The following MYCBPAP variants were observed in gnomAD, a reference collection of about 807,000 sequenced individuals.
MYCBPAP encodes MYCBP associated protein.
Under a neutral mutation model 106.1 loss-of-function variants are expected in MYCBPAP, and 60 were observed. The ratio of observed to expected loss-of-function variants is 0.57; its 90% CI spans 0.46 to 0.70. MYCBPAP has a LOEUF of 0.70. Ranked by LOEUF, MYCBPAP falls within the 30% of genes least tolerant of loss-of-function variation. The probability of loss-of-function intolerance (pLI) is 0.00; values close to 1 mark genes in which losing one functional copy is unlikely to be tolerated. For missense variants in MYCBPAP, 1,064 were observed against 1,169.3 expected, an observed-to-expected ratio of 0.91 and a Z score of 1.31; for synonymous variants, 407 against 440.6, an observed-to-expected ratio of 0.92 and a Z score of 0.95.
Position 50,528,767 on chromosome 17 carries a change from C to T in MYCBPAP, c.2480C>T (p.Ala827Val), listed in dbSNP as rs2034539097. The T allele has an allele frequency of 6.2e-7, 1 of 1,614,040 alleles. No homozygotes were observed. Residue 827 changes from alanine to valine, a missense_variant, in exon 17 of 19, where the codon GCA becomes GTA. Coordinates refer to ENST00000323776, the MANE Select transcript of MYCBPAP (RefSeq NM_032133.6). Reference sequence around the variant, plus strand: ...GCTGGGAAGGAGGAGCGGAAAGGAGCAGCCCAGGAAAAGAAGCAACTGGGG... The same window carrying T: ...GCTGGGAAGGAGGAGCGGAAAGGAGTAGCCCAGGAAAAGAAGCAACTGGGG... ...GKAGKEERKG[A>V]AQEKKQLGIK...
intron 6 of MYCBPAP, 30 bp from the exon 7 acceptor site, chr17:50,519,610 T>A (rs1350525639): frequency 6.2e-7 from 1 of 1,613,062 alleles, no homozygotes; most frequent in East Asian, 2.2e-5. Context: ...GGTGTCCTGG[T>A]AATCTGACTC....
intron 1 of MYCBPAP, chr17:50,510,499 G>GTATGTGTGTA (rs1555618059): frequency 5.2e-5 from 4 of 76,414 alleles, no homozygotes; most frequent in African/African-American, 1.8e-4. Flanking sequence ...GTGTGTGTGT[G>GTATGTGTGTA]TATATATATA....
intron 16 of MYCBPAP, 119 bp from the exon 17 acceptor site, chr17:50,528,576 C>T: frequency 7.4e-7 from 1 of 1,349,652 alleles, no homozygotes; most frequent in Non-Finnish European, 1.0e-6. Context: ...CACGCGCCTA[C>T]CAGGGCTCAA....
intron 1 of MYCBPAP, among the ~76,000 whole-genome samples, chr17:50,510,849 G>A (rs998261355): frequency 2.6e-5 from 4 of 151,860 alleles, no homozygotes; most frequent in African/African-American, 9.7e-5. Context: ...AGTTGAGAGA[G>A]AGGGAATATC....
intron 1 of MYCBPAP, chr17:50,514,850 A>G: frequency 2.3e-6 from 1 of 441,744 alleles, no homozygotes; most frequent in Non-Finnish European, 4.6e-6. Flanking sequence ...TATAGAGCCC[A>G]GACTGGTCTT....
chr17:50,508,667 G>T lies in MYCBPAP; in HGVS notation c.-8G>T. On this transcript the variant is annotated 5_prime_UTR_variant, in exon 1 of 19. Coordinates refer to ENST00000323776, the MANE Select transcript of MYCBPAP (RefSeq NM_032133.6). Reference sequence around the variant, plus strand: ...GCAGGGCAACGTTTCATGGTGCCGGGCGGCACCATGAAGTCTCTAAAGAAG... The same window carrying T: ...GCAGGGCAACGTTTCATGGTGCCGGTCGGCACCATGAAGTCTCTAAAGAAG... The T allele has an allele frequency of 6.2e-7, 1 of 1,601,668 alleles. No individual in the cohort carries two copies. Among genetic ancestry groups the T allele is most frequent in the East Asian group, 2.2e-5 (1 of 44,496 alleles).
intron 1 of MYCBPAP, among the ~76,000 whole-genome samples, chr17:50,514,377 T>A (rs539767077): frequency 6.6e-6 from 1 of 152,352 alleles, no homozygotes; most frequent in Admixed American, 6.5e-5. Flanking sequence ...AATTTTGTTT[T>A]AAACTCCCTA....
intron 4 of MYCBPAP, 65 bp downstream of exon 4, chr17:50,517,763 C>T: frequency 7.5e-7 from 1 of 1,336,000 alleles, no homozygotes; most frequent in Non-Finnish European, 1.1e-6. Flanking sequence ...TCCCACCTGA[C>T]ACAGTCAAGC....
At chr17:50,508,392 T>G (rs2143867234), upstream of MYCBPAP, 1 of 632,006 alleles carries the variant, frequency 1.6e-6, no homozygotes, top group Non-Finnish European at 2.5e-6. Flanking sequence ...GCTGGTGACG[T>G]CACGGCGCTC....
chr17:50,523,235 C>A, intron 11 of MYCBPAP, 107 bp downstream of exon 11: 1 of 1,107,290 alleles, frequency 9.0e-7, no homozygotes, highest in Non-Finnish European at 1.3e-6. Context: ...AGTTTGAGCC[C>A]TGCTTCCCTG....
At chr17:50,519,995 CTG>C in intron 7 of MYCBPAP, 1 of 561,060 alleles carries the variant, frequency 1.8e-6, no homozygotes, top group South Asian at 2.3e-5. Context: ...AGCTAGGAAA[CTG>C]GAGTGCAGCC....
chr17:50,519,960 T>A (rs6504665), intron 7 of MYCBPAP, 173 bp downstream of exon 7: 1 of 646,886 alleles, frequency 1.5e-6, no homozygotes. Context: ...CTCCCTCTTC[T>A]TTTTCTTCAG....
At chr17:50,530,272 T>C (rs1418388411) in intron 18 of MYCBPAP, 5 of 389,084 alleles carry the variant, frequency 1.3e-5, no homozygotes, top group Non-Finnish European at 2.5e-5. Flanking sequence ...GGTGGGCAGA[T>C]TGCCTGAGCT....
At chr17:50,514,033 A>G (rs1332669317) in intron 1 of MYCBPAP, among the ~76,000 whole-genome samples, 1 of 152,248 alleles carries the variant, frequency 6.6e-6, no homozygotes, top group Admixed American at 6.5e-5. Flanking sequence ...GATAGGCTGA[A>G]TTTATTATTT....
At position 50,527,407 on chromosome 17, in the gene MYCBPAP, T is replaced by C. The variant is rs143224611; in HGVS notation, c.2290T>C (p.Cys764Arg). The C allele has an allele frequency of 9.4e-5, 151 of 1,613,828 alleles. No individual in the cohort carries two copies. The African/African-American group carries it at 1.8e-3, about 19-fold the overall frequency. ...PLQSNLLHQM[C>R]LQLWRDVIDS... Reference sequence around the variant, plus strand: ...GCAGTCCAACCTCCTGCACCAGATGTGGTAGGTGCCCTGCCAGGAGAGCTG... The same window carrying C: ...GCAGTCCAACCTCCTGCACCAGATGCGGTAGGTGCCCTGCCAGGAGAGCTG... The change falls in exon 15 of 19, where the codon TGT becomes CGT. Residue 764 changes from cysteine to arginine, a missense_variant and splice_region_variant. Coordinates refer to ENST00000323776, the MANE Select transcript of MYCBPAP (RefSeq NM_032133.6).
rs1218883117 is a variant in MYCBPAP at position 50,528,738 on chromosome 17, G to A, written c.2451G>A (p.Gly817=). The change falls in exon 17 of 19, where the codon GGG becomes GGA. Residue 817 remains glycine (G), a synonymous_variant. Coordinates refer to ENST00000323776, the MANE Select transcript of MYCBPAP (RefSeq NM_032133.6). ...TCATGGAAGTGAAGGTACCTGTGGG[G>A]AAAGCTGGGAAGGAGGAGCGGAAAG... ...PPIMEVKVPV[G]KAGKEERKGA... is the part of the protein sequence containing the mutation. 1 of 1,614,046 alleles carries A rather than the reference G, an allele frequency of 6.2e-7. No individual in the cohort carries two copies. Among genetic ancestry groups the A allele is most frequent in the Non-Finnish European group, 8.5e-7 (1 of 1,180,000 alleles).
chr17:50,521,061 AG>A, intron 7 of MYCBPAP, 48 bp from the exon 8 acceptor site: 1 of 1,485,212 alleles, frequency 6.7e-7, no homozygotes. Context: ...TGGGTGAGCA[AG>A]GGGACATGGC....
chr17:50,507,871 T>G (rs139582217), upstream of MYCBPAP, among the ~76,000 whole-genome samples: 3 of 152,304 alleles, frequency 2.0e-5, no homozygotes, highest in East Asian at 5.8e-4. Flanking sequence ...AATCCCAGAA[T>G]GCCTCAGGGC....
chr17:50,508,738 G>A lies in MYCBPAP; in HGVS notation c.64G>A (p.Glu22Lys). 6.2e-7 allele frequency: 1 copy of A among 1,610,772 alleles called. No homozygotes were observed. The highest frequency in any genetic ancestry group is 1.7e-5 in the Admixed American group (1 of 59,596). Residue 22 changes from glutamate (E) to lysine (K), a missense_variant, in exon 1 of 19, where the codon GAG becomes AAG. Transcript: ENST00000323776. The part of the protein sequence containing the change: ...ITPTRLLEAS[E>K]NVKEKKRAKG... ...TCCGACCAGATTATTAGAGGCCTCA[G>A]AGAATGTCAAAGGTTGGCGCTGGCT... is the stretch of plus-strand genomic sequence containing the variant.
Sources: gnomAD v4.1 joint callset for allele counts (sites outside exome capture counted in the v4.1 genomes callset) on GRCh38, gnomAD v4.1.1 for gene constraint, MANE v1.5 for transcripts, NCBI Gene and HGNC (gene_info 2026-07-23, HGNC 2026-07-21) for gene names.